The following RCL1 variants were observed in gnomAD, a reference collection of about 807,000 sequenced individuals.
RCL1 encodes the protein RNA terminal phosphate cyclase like 1.
Under a neutral mutation model 42.4 loss-of-function variants are expected in RCL1, and 24 were observed. The ratio of observed to expected loss-of-function variants is 0.57; its 90% CI spans 0.41 to 0.80. The LOEUF (loss-of-function observed/expected upper bound fraction) is 0.80, where lower values mean the gene tolerates loss of function less well. Among genes scored for constraint, RCL1 ranks in the 30% least tolerant of loss-of-function variants. The probability of loss-of-function intolerance (pLI) is 0.00; values close to 1 mark genes in which losing one functional copy is unlikely to be tolerated. For missense variants in RCL1, 578 were observed against 467.9 expected, an observed-to-expected ratio of 1.24 and a Z score of -2.17; for synonymous variants, 228 against 177.3, an observed-to-expected ratio of 1.29 and a Z score of -2.27.
intron 1 of RCL1, among the ~76,000 whole-genome samples, chr9:4,817,669 G>A (rs944786277): frequency 9.9e-5 from 15 of 151,598 alleles, no homozygotes; most frequent in African/African-American, 3.6e-4. Flanking sequence ...GCTAATTTTT[G>A]TATTTTTTGT....
chr9:4,794,426 A>G (rs556519016), intron 1 of RCL1, among the ~76,000 whole-genome samples: 1 of 152,300 alleles, frequency 6.6e-6, no homozygotes, highest in Admixed American at 6.5e-5. Context: ...ACACTGAGAA[A>G]GTTAGGGAGA....
At chr9:4,827,222 C>T (rs10511460) in intron 3 of RCL1, 189 bp downstream of exon 3, 3 of 1,521,560 alleles carry the variant, frequency 2.0e-6, no homozygotes, top group East Asian at 2.5e-5. Context: ...TCATCAAATT[C>T]AGGACTATTG....
At chr9:4,848,186 G>T (rs186209766) in intron 7 of RCL1, among the ~76,000 whole-genome samples, 1 of 152,178 alleles carries the variant, frequency 6.6e-6, no homozygotes, top group Non-Finnish European at 1.5e-5. Flanking sequence ...TTTTCCATGG[G>T]TCAGGTTTTT....
chr9:4,842,505 AG>A (rs1817367349), intron 6 of RCL1, among the ~76,000 whole-genome samples: 1 of 152,246 alleles, frequency 6.6e-6, no homozygotes, highest in South Asian at 2.1e-4. Flanking sequence ...TTGTGGGCAA[AG>A]CTGGACTTTC....
intron 8 of RCL1, among the ~76,000 whole-genome samples, chr9:4,852,238 GT>G (rs904886534): frequency 6.6e-6 from 1 of 152,142 alleles, no homozygotes; most frequent in Non-Finnish European, 1.5e-5. Flanking sequence ...ATAAAATACT[GT>G]TGGATAATCA....
chr9:4,794,995 G>A (rs1436056195), intron 1 of RCL1, among the ~76,000 whole-genome samples: 1 of 152,166 alleles, frequency 6.6e-6, no homozygotes, highest in African/African-American at 2.4e-5. Context: ...CATATACCAG[G>A]GGAAGAAAGA....
chr9:4,834,329 T>C (rs1349134251), intron 5 of RCL1, 64 bp downstream of exon 5: 1 of 1,537,126 alleles, frequency 6.5e-7, no homozygotes, highest in Non-Finnish European at 8.8e-7. Context: ...AAGATAAGAA[T>C]GACTAACAGC....
chr9:4,799,936 G>A (rs1405438410), intron 1 of RCL1, among the ~76,000 whole-genome samples: 2 of 152,128 alleles, frequency 1.3e-5, no homozygotes, highest in Non-Finnish European at 2.9e-5. Flanking sequence ...TATGGCAGAC[G>A]TTCATATGGG....
intron 8 of RCL1, among the ~76,000 whole-genome samples, chr9:4,857,050 C>T (rs1817985593): frequency 6.6e-6 from 1 of 152,198 alleles, no homozygotes; most frequent in South Asian, 2.1e-4. Context: ...TGTTTTATAG[C>T]ATGGCAAATA....
At chr9:4,818,385 TTTTA>T (rs1816470740) in intron 1 of RCL1, among the ~76,000 whole-genome samples, 1 of 152,260 alleles carries the variant, frequency 6.6e-6, no homozygotes, top group Non-Finnish European at 1.5e-5. Flanking sequence ...TTAAAATATT[TTTTA>T]TTTATCACAT....
chr9:4,799,407 TC>T (rs1442923749), intron 1 of RCL1, among the ~76,000 whole-genome samples: 1 of 152,160 alleles, frequency 6.6e-6, no homozygotes, highest in Non-Finnish European at 1.5e-5. Flanking sequence ...TTATCCAGTT[TC>T]CCCCAATGGT....
At chr9:4,850,101 A>G (rs1233013781) in intron 8 of RCL1, among the ~76,000 whole-genome samples, 1 of 152,238 alleles carries the variant, frequency 6.6e-6, no homozygotes, top group Non-Finnish European at 1.5e-5. Flanking sequence ...CAGTGTCAGA[A>G]GACTTGAATT....
chr9:4,833,599 G>C (rs1198493450), intron 4 of RCL1, among the ~76,000 whole-genome samples: 1 of 152,194 alleles, frequency 6.6e-6, no homozygotes, highest in Non-Finnish European at 1.5e-5. Context: ...TTTATGTTCA[G>C]GGGCTCCCAA....
intron 1 of RCL1, among the ~76,000 whole-genome samples, chr9:4,799,588 A>T (rs1233740550): frequency 6.6e-6 from 1 of 152,102 alleles, no homozygotes; most frequent in Non-Finnish European, 1.5e-5. Context: ...TCAGTCTCTA[A>T]TCTGTTCTTT....
chr9:4,822,572 C>G (rs1330571283), intron 1 of RCL1, among the ~76,000 whole-genome samples: 1 of 152,116 alleles, frequency 6.6e-6, no homozygotes, highest in Non-Finnish European at 1.5e-5. Context: ...AATCCCAGCA[C>G]TTTGGGAGGC....
At chr9:4,817,077 A>C (rs576094847) in intron 1 of RCL1, among the ~76,000 whole-genome samples, 12 of 152,328 alleles carry the variant, frequency 7.9e-5, no homozygotes, top group Admixed American at 2.0e-4. Context: ...TCGGCCTCCC[A>C]AAATGCTGGG....
intron 6 of RCL1, among the ~76,000 whole-genome samples, chr9:4,842,471 A>G (rs748740576): frequency 6.6e-6 from 1 of 152,250 alleles, no homozygotes; most frequent in Non-Finnish European, 1.5e-5. Context: ...TGGTGGCGTC[A>G]TAACGCTGGG....
chr9:4,844,440 A>G, intron 6 of RCL1, 85 bp from the exon 7 acceptor site: 2 of 1,051,346 alleles, frequency 1.9e-6, no homozygotes, highest in Non-Finnish European at 1.4e-6. Flanking sequence ...GTCAAAAAAA[A>G]TGTTTGTCTT....
At chr9:4,803,794 G>T in intron 1 of RCL1, 1 of 173,740 alleles carries the variant, frequency 5.8e-6, no homozygotes, top group Non-Finnish European at 1.3e-5. Context: ...TGATTTAAAA[G>T]TGCTTCATGT....
Sources: gnomAD v4.1 joint callset for allele counts (sites outside exome capture counted in the v4.1 genomes callset) on GRCh38, gnomAD v4.1.1 for gene constraint, MANE v1.5 for transcripts, NCBI Gene and HGNC (gene_info 2026-07-23, HGNC 2026-07-21) for gene names.